Variants in MYO10 observed in about 807,000 individuals in gnomAD.
The protein encoded by MYO10 is myosin X.
In MYO10, 133 loss-of-function variants were observed where a neutral mutation model predicts 257.3. The ratio of observed to expected loss-of-function variants is 0.52; its 90% CI spans 0.45 to 0.60. MYO10 has a LOEUF of 0.60. MYO10 is among the 20% of genes least tolerant of loss of function. The pLI, the probability that MYO10 is intolerant of heterozygous loss-of-function variation, is 0.00. For synonymous variants in MYO10, 1,104 were observed against 1,028.6 expected, an observed-to-expected ratio of 1.07 and a Z score of -1.40; for missense variants, 2,399 against 2,635.7, an observed-to-expected ratio of 0.91 and a Z score of 1.97.
intron 4 of MYO10, among the ~76,000 whole-genome samples, chr5:16,785,803 G>T (rs534567423): frequency 6.6e-6 from 1 of 152,158 alleles, no homozygotes; most frequent in Non-Finnish European, 1.5e-5. Flanking sequence ...CTGGGAGGTG[G>T]AGGTTGCAGT....
At chr5:16,869,570 A>G (rs986220242) in intron 2 of MYO10, among the ~76,000 whole-genome samples, 16 of 152,048 alleles carry the variant, frequency 1.1e-4, no homozygotes, top group Admixed American at 1.0e-3. Context: ...CCCTGTCGCT[A>G]AAAACAGAAG....
rs369032080 is a variant in MYO10, at chr5:16,701,325, G to A, written c.3070C>T (p.Arg1024Trp). 17 of 1,613,716 alleles carry A rather than the reference G, an allele frequency of 1.1e-5. No individual in the cohort carries two copies. Among genetic ancestry groups the A allele is most frequent in the East Asian group, 2.2e-5 (1 of 44,878 alleles). Residue 1024 changes from arginine to tryptophan, a missense_variant, in exon 25 of 41, where the codon CGG becomes TGG. By Grantham distance (101) the Arg-to-Trp change is moderately radical. Coordinates refer to ENST00000513610, the MANE Select transcript of MYO10 (RefSeq NM_012334.3). This position sits in a 1 kb window ranked among gnomAD's most constrained non-coding sequence, Gnocchi z 8.1. ...GHSDQRTSGI[R>W]TSDDSSEEDP... ...TCCTCTGAAGAGTCATCGCTGGTCC[G>A]GATGCCACTTGTTCGCTGGTCTGAG...
rs140558505 is a variant in MYO10, at chr5:16,811,276, T to C, written c.279+6733A>G. 3.1e-4 allele frequency among the ~76,000 whole-genome samples: 47 copies of C among 152,238 alleles called. No homozygotes were observed. The East Asian group carries it at 8.1e-3, about 26-fold the overall frequency. On this transcript the variant is annotated intron_variant, in intron 3 of 40. Coordinates refer to ENST00000513610, the MANE Select transcript of MYO10 (RefSeq NM_012334.3). ...CTGGCCTCTACTCAGTAAATGCCAG[T>C]AGCGTCGCTTGACCGTAGCTATGAG...
intron 34 of MYO10, among the ~76,000 whole-genome samples, chr5:16,675,606 C>T (rs865929161): frequency 9.2e-5 from 14 of 152,042 alleles, no homozygotes; most frequent in Admixed American, 2.6e-4. Context: ...GATGTGGTGG[C>T]GGGTGCTTGT....
rs1741319349 is a variant in MYO10 at position 16,778,949 on chromosome 5, C to CA, written c.930+595dup. Among the ~76,000 whole-genome samples the CA allele has an allele frequency of 2.0e-5, 3 of 152,262 alleles. No individual in the cohort carries two copies. The South Asian group carries it at 6.2e-4, about 32-fold the overall frequency. On this transcript the variant is annotated intron_variant, in intron 9 of 40. Transcript: ENST00000513610. ...TCGTGATCTGCCCGCCTTGGCCTCC[C>CA]AAAGTGCTGGGATTATAGGCATGAG...
rs1047676604 is a variant in MYO10 at position 16,763,367 on chromosome 5, T to TAA, written c.1494+112_1494+113dup. On this transcript the variant is annotated intron_variant, in intron 14 of 40. Coordinates refer to ENST00000513610, the MANE Select transcript of MYO10 (RefSeq NM_012334.3). Reference sequence around the variant, plus strand: ...TGTTTCCAAATGGTCCATTGTGTTCTAAACATTCACATCGTTGATGTGCGT... The same window carrying TAA: ...TGTTTCCAAATGGTCCATTGTGTTCTAAAAACATTCACATCGTTGATGTGCGT... The TAA allele has an allele frequency of 6.0e-6, 5 of 830,040 alleles. No individual in the cohort carries two copies. The African/African-American group carries it at 8.4e-5, about 14-fold the overall frequency. The allele number at this position is 830,040 out of a possible 1,614,324, so 51.4% of individuals were successfully genotyped here.
At chr5:16,896,390 G>A (rs984323771) in intron 1 of MYO10, among the ~76,000 whole-genome samples, 2 of 152,122 alleles carry the variant, frequency 1.3e-5, no homozygotes, top group African/African-American at 2.4e-5. Context: ...GAGGTCAGGA[G>A]TTGGAGACCA....
intron 3 of MYO10, among the ~76,000 whole-genome samples, chr5:16,801,928 C>T (rs1434205301): frequency 6.6e-6 from 1 of 152,180 alleles, no homozygotes; most frequent in Non-Finnish European, 1.5e-5. Context: ...CACATCCATA[C>T]AACGGAATTA....
chr5:16,726,616 GAAAGGTGCAAATTCAGGA>G (rs1739375851), intron 19 of MYO10, among the ~76,000 whole-genome samples: 1 of 152,134 alleles, frequency 6.6e-6, no homozygotes, highest in African/African-American at 2.4e-5. Context: ...GGCTCTTCCT[GAAAGGTGCAAATTCAGGA>G]AAGGGGGAGT....
rs1182325942 is a variant in MYO10 at position 16,701,594 on chromosome 5, G to A, written c.2801C>T (p.Ala934Val). Reference protein sequence around the residue: ...DQELRRLEEEACRAAQEFLES... With the variant: ...DQELRRLEEEVCRAAQEFLES... Reference sequence around the variant, plus strand: ...GAGGAACTCCTGGGCCGCCCTGCACGCTTCCTCCTCCAGCCTGCGGAGCTC... The same window carrying A: ...GAGGAACTCCTGGGCCGCCCTGCACACTTCCTCCTCCAGCCTGCGGAGCTC... Residue 934 changes from alanine (A) to valine (V), a missense_variant, in exon 25 of 41, where the codon GCG becomes GTG. Physicochemically the swap from Ala to Val is moderately conservative, Grantham distance 64. This residue lies in a region of MYO10 where 1,820 missense variants were observed against 1,939.4 expected (regional missense o/e 0.94). Transcript: ENST00000513610. The surrounding 1 kb of genome is among the most constrained non-coding windows in gnomAD (Gnocchi z 8.1). The A allele has an allele frequency of 4.3e-6, 7 of 1,613,400 alleles. No individual in the cohort carries two copies. Among genetic ancestry groups the A allele is most frequent in the African/African-American group, 1.3e-5 (1 of 74,908 alleles).
intron 19 of MYO10, among the ~76,000 whole-genome samples, chr5:16,715,550 T>G (rs1738824132): frequency 9.8e-6 from 1 of 102,154 alleles, no homozygotes; most frequent in Admixed American, 1.2e-4. Flanking sequence ...TCTGCCTGCC[T>G]CCGCCTCCCA....
At chr5:16,923,372 C>T (rs924268921) in intron 1 of MYO10, among the ~76,000 whole-genome samples, 82 of 151,602 alleles carry the variant, frequency 5.4e-4, no homozygotes, top group Admixed American at 1.4e-3. Context: ...CTGCAAGCTC[C>T]GCCTCCTGGG....
intron 18 of MYO10, among the ~76,000 whole-genome samples, chr5:16,755,618 C>A (rs999831645): frequency 1.3e-5 from 2 of 152,128 alleles, no homozygotes; most frequent in Non-Finnish European, 2.9e-5. Context: ...ACAGTCTATG[C>A]CAGCACTTCA....
chr5:16,699,815 G>GAAAAA (rs1737958829), intron 25 of MYO10, among the ~76,000 whole-genome samples: 1 of 142,138 alleles, frequency 7.0e-6, no homozygotes, highest in African/African-American at 2.6e-5. Context: ...AAAGGGAAAA[G>GAAAAA]GAAAAAGAAA....
chr5:16,676,766 G>A (rs958168655), intron 33 of MYO10, among the ~76,000 whole-genome samples: 3 of 152,188 alleles, frequency 2.0e-5, no homozygotes, highest in Admixed American at 6.5e-5. Flanking sequence ...CATTTTGAGA[G>A]CCAAAGGCAG....
intron 18 of MYO10, 22 bp downstream of exon 18, chr5:16,758,096 T>C: frequency 6.5e-7 from 1 of 1,531,918 alleles, no homozygotes; most frequent in South Asian, 1.1e-5. Context: ...CGGATTCCTC[T>C]AAGCCAGCAG....
intron 5 of MYO10, among the ~76,000 whole-genome samples, chr5:16,782,856 G>C (rs1455713205): frequency 6.6e-6 from 1 of 152,122 alleles, no homozygotes; most frequent in Non-Finnish European, 1.5e-5. Context: ...ACACACGAGA[G>C]GCCCGTTCTG....
intron 17 of MYO10, among the ~76,000 whole-genome samples, chr5:16,759,014 C>T (rs958323290): frequency 1.3e-5 from 2 of 151,838 alleles, no homozygotes; most frequent in Admixed American, 6.6e-5. Context: ...CTCTGCCTCC[C>T]GGGTTCAAGC....
intron 9 of MYO10, among the ~76,000 whole-genome samples, chr5:16,769,921 A>G (rs892031747): frequency 2.0e-5 from 3 of 151,576 alleles, no homozygotes; most frequent in African/African-American, 7.3e-5. Context: ...GAGGGGGTGT[A>G]TTTTTGTTTT....
Sources: allele counts gnomAD v4.1 joint callset (sites outside exome capture counted in the v4.1 genomes callset), GRCh38; gene constraint gnomAD v4.1.1; regional missense constraint gnomAD v4.1.1; non-coding constraint Gnocchi (gnomAD v3.1); transcripts MANE v1.5; gene names NCBI Gene and HGNC (gene_info 2026-07-23, HGNC 2026-07-21).